The following MDGA2 variants were observed in gnomAD, a reference collection of about 807,000 sequenced individuals.
The protein encoded by MDGA2 is MAM domain-containing glycosylphosphatidylinositol anchor protein 2.
In MDGA2, 40 loss-of-function variants were observed where a neutral mutation model predicts 117.8. The ratio of observed to expected loss-of-function variants is 0.34; its 90% CI spans 0.26 to 0.44. MDGA2 has a LOEUF of 0.44. MDGA2 is among the 20% of genes least tolerant of loss of function. The pLI, the probability that MDGA2 is intolerant of heterozygous loss-of-function variation, is 1.00. For synonymous variants in MDGA2, 452 were observed against 439.0 expected (o/e 1.03, Z -0.37); for missense variants, 1,123 against 1,250.6 (o/e 0.90, Z 1.54).
In MDGA2 at chr14:47,096,980, T is replaced by C; in HGVS notation, c.1069A>G (p.Thr357Ala). Residue 357 changes from threonine (T) to alanine (A), a missense_variant, in exon 6 of 17, where the codon ACT becomes GCT. Transcript: ENST00000399232. ...GTCAAAGTTCCTCCATTCAAAACAG[T>C]CTTTTCAGGCAGAGTCCCAAAGGAC... is the stretch of plus-strand genomic sequence containing the variant. ...VRSFGTLPEK[T>A]VLNGGTLTIP... is the part of the protein sequence containing the mutation. The C allele has an allele frequency of 6.2e-7, 1 of 1,613,266 alleles. No individual in the cohort carries two copies. Among genetic ancestry groups the C allele is most frequent in the Non-Finnish European group, 8.5e-7 (1 of 1,179,484 alleles).
chr14:47,585,113 T>C (rs1306950454), intron 1 of MDGA2, among the ~76,000 whole-genome samples: 1 of 151,966 alleles, frequency 6.6e-6, no homozygotes, highest in Non-Finnish European at 1.5e-5. Context: ...CCTGGTTGAA[T>C]ATAATTTGCT....
intron 1 of MDGA2, among the ~76,000 whole-genome samples, chr14:47,553,633 C>T (rs1594913954): frequency 6.6e-6 from 1 of 152,062 alleles, no homozygotes; most frequent in South Asian, 2.1e-4. Flanking sequence ...CCTACATATA[C>T]ATTGCATACA....
intron 9 of MDGA2, among the ~76,000 whole-genome samples, chr14:46,929,601 G>GTGTGTATATA (rs1398520996): frequency 1.6e-4 from 2 of 12,674 alleles, no homozygotes; most frequent in Non-Finnish European, 3.4e-4. Flanking sequence ...GTGTGTGTGT[G>GTGTGTATATA]TATATATATA....
chr14:47,019,076 TTGAA>T (rs1888191059), intron 8 of MDGA2, among the ~76,000 whole-genome samples: 1 of 152,192 alleles, frequency 6.6e-6, no homozygotes, highest in African/African-American at 2.4e-5. Context: ...TTAACATTTA[TTGAA>T]TGAATTAATT....
At chr14:47,058,986 G>A (rs947380850) in intron 7 of MDGA2, 3 of 987,316 alleles carry the variant, frequency 3.0e-6, no homozygotes, top group Non-Finnish European at 2.4e-6. Context: ...AAATTGAGGA[G>A]CTGCTCCTGT....
At chr14:47,546,832 A>G (rs1319304456) in intron 1 of MDGA2, among the ~76,000 whole-genome samples, 1 of 152,142 alleles carries the variant, frequency 6.6e-6, no homozygotes, top group African/African-American at 2.4e-5. Context: ...CCTTCAGTGG[A>G]TCTCCAGAAA....
chr14:47,461,269 A>ATGTGTGTGTG (rs55889646), intron 1 of MDGA2, among the ~76,000 whole-genome samples: 29,835 of 142,748 alleles, frequency 0.21, 3,681 homozygotes, highest in South Asian at 0.38. Context: ...AAAAAAATGT[A>ATGTGTGTGTG]TGTGTGTGTG....
At chr14:47,539,011 G>T (rs935665489) in intron 1 of MDGA2, among the ~76,000 whole-genome samples, 24 of 152,200 alleles carry the variant, frequency 1.6e-4, no homozygotes, top group African/African-American at 5.8e-4. Flanking sequence ...AGATAGTGGA[G>T]AAGTCTGCTG....
intron 1 of MDGA2, among the ~76,000 whole-genome samples, chr14:47,458,716 T>C (rs867335867): frequency 6.6e-6 from 1 of 152,104 alleles, no homozygotes; most frequent in Non-Finnish European, 1.5e-5. Flanking sequence ...TCAGCTAGGT[T>C]GTGGTAATTA....
intron 3 of MDGA2, among the ~76,000 whole-genome samples, chr14:47,182,883 T>C (rs1363418065): frequency 6.6e-6 from 1 of 152,158 alleles, no homozygotes; most frequent in African/African-American, 2.4e-5. Context: ...GATATTTAAA[T>C]ATGGCTGGGT....
At chr14:47,387,500 C>G (rs1223790934) in intron 1 of MDGA2, among the ~76,000 whole-genome samples, 2 of 152,154 alleles carry the variant, frequency 1.3e-5, no homozygotes, top group South Asian at 2.1e-4. Context: ...ACAACCCCTC[C>G]TCTATTACTC....
At chr14:47,578,270 G>A (rs1469108167) in intron 1 of MDGA2, among the ~76,000 whole-genome samples, 1 of 152,016 alleles carries the variant, frequency 6.6e-6, no homozygotes, top group African/African-American at 2.4e-5. Context: ...GGGGTGAGGG[G>A]AAGGAGAGCA....
chr14:47,441,716 C>A (rs2138549152), intron 1 of MDGA2, among the ~76,000 whole-genome samples: 1 of 152,182 alleles, frequency 6.6e-6, no homozygotes, highest in South Asian at 2.1e-4. Context: ...ACAATATATA[C>A]TTGGTAGATA....
At chr14:46,963,748 T>C (rs1885902935) in intron 8 of MDGA2, among the ~76,000 whole-genome samples, 1 of 151,846 alleles carries the variant, frequency 6.6e-6, no homozygotes, top group South Asian at 2.1e-4. Flanking sequence ...ATGTTCACTC[T>C]TTGTTCATAT....
intron 2 of MDGA2, among the ~76,000 whole-genome samples, chr14:47,289,305 A>ACACC (rs1491209138): frequency 1.6e-3 from 1 of 622 alleles, no homozygotes; most frequent in Non-Finnish European, 4.0e-3. Flanking sequence ...TTCTGGACTT[A>ACACC]CACACACACA....
At chr14:47,082,059 T>C (rs1594600555) in intron 6 of MDGA2, among the ~76,000 whole-genome samples, 1 of 152,246 alleles carries the variant, frequency 6.6e-6, no homozygotes, top group East Asian at 1.9e-4. Context: ...AGTTATGTTT[T>C]ATTTTACTCA....
At chr14:46,865,458 A>T (rs866654756) in intron 14 of MDGA2, among the ~76,000 whole-genome samples, 33 of 151,634 alleles carry the variant, frequency 2.2e-4, no homozygotes, top group African/African-American at 7.7e-4. Context: ...AAAACTGGAA[A>T]CATTCCCTTT....
chr14:46,860,864 C>A (rs753959808), intron 14 of MDGA2, among the ~76,000 whole-genome samples: 6 of 151,870 alleles, frequency 4.0e-5, no homozygotes, highest in Non-Finnish European at 7.4e-5. Flanking sequence ...ATATGCTGTA[C>A]ACATTTTACT....
chr14:47,464,209 C>T (rs4898570), intron 1 of MDGA2, among the ~76,000 whole-genome samples: 48,028 of 150,784 alleles, frequency 0.32, 8,094 homozygotes, highest in East Asian at 0.58. Flanking sequence ...CTGAGATGGA[C>T]CAAAGGTGGA....
Sources: allele counts gnomAD v4.1 joint callset (sites outside exome capture counted in the v4.1 genomes callset), GRCh38; gene constraint gnomAD v4.1.1; transcripts MANE v1.5; gene names NCBI Gene and HGNC (gene_info 2026-07-23, HGNC 2026-07-21).